MEGF10: variants seen among roughly 807,000 people sequenced by gnomAD.
The protein encoded by MEGF10 is multiple epidermal growth factor-like domains protein 10.
In MEGF10, 86 loss-of-function variants were observed where a neutral mutation model predicts 147.5. The ratio of observed to expected loss-of-function variants is 0.58; its 90% CI spans 0.49 to 0.70. The LOEUF (loss-of-function observed/expected upper bound fraction) is 0.70. MEGF10 is among the 30% of genes least tolerant of loss of function. The probability of loss-of-function intolerance (pLI) is 0.00; values close to 1 mark genes in which losing one functional copy is unlikely to be tolerated. For synonymous variants in MEGF10, 478 were observed against 525.5 expected (o/e 0.91, Z 1.24); for missense variants, 1,329 against 1,487.3 (o/e 0.89, Z 1.75).
At chr5:127,417,403 G>T (rs1192716121) in intron 9 of MEGF10, among the ~76,000 whole-genome samples, 1 of 152,220 alleles carries the variant, frequency 6.6e-6, no homozygotes, top group Non-Finnish European at 1.5e-5. Context: ...GGATGTGGTT[G>T]TAATACATCC....
At chr5:127,453,441 C>T (rs1009760087) in intron 22 of MEGF10, among the ~76,000 whole-genome samples, 3 of 152,118 alleles carry the variant, frequency 2.0e-5, no homozygotes, top group Admixed American at 6.6e-5. Context: ...ATGCACTGAG[C>T]GTTAGAGTAA....
At chr5:127,424,653 G>C in intron 13 of MEGF10, 1 of 1,003,384 alleles carries the variant, frequency 1.0e-6, no homozygotes, top group Non-Finnish European at 1.3e-6. Context: ...ACAGGCTAAG[G>C]CTGGTGCAAT....
intron 4 of MEGF10, among the ~76,000 whole-genome samples, chr5:127,353,094 C>T (rs557443989): frequency 1.3e-5 from 2 of 152,312 alleles, no homozygotes; most frequent in Non-Finnish European, 2.9e-5. Context: ...TACTACCTAC[C>T]TCTCCCATGA....
At chr5:127,290,321 G>C (rs1406575942), upstream of MEGF10, among the ~76,000 whole-genome samples, 19 of 151,972 alleles carry the variant, frequency 1.3e-4, no homozygotes. Context: ...TCCTTTCTGG[G>C]TCCCACCTTT....
At chr5:127,415,675 G>A (rs763076396) in intron 9 of MEGF10, among the ~76,000 whole-genome samples, 11 of 151,976 alleles carry the variant, frequency 7.2e-5, no homozygotes, top group Non-Finnish European at 1.5e-4. Flanking sequence ...AGGCTGAGAC[G>A]GGCAGATCAC....
intron 4 of MEGF10, among the ~76,000 whole-genome samples, chr5:127,365,391 T>G (rs143219787): frequency 6.6e-6 from 1 of 152,168 alleles, no homozygotes; most frequent in East Asian, 1.9e-4. Context: ...CTATTGAGTA[T>G]AGTTAATGGC....
chr5:127,239,081 C>T, the MEGF10 span, among the ~76,000 whole-genome samples: 53 of 152,214 alleles, frequency 3.5e-4, no homozygotes, highest in East Asian at 9.5e-3. Flanking sequence ...CATTAAAGGA[C>T]ATCCTGCAAA....
At chr5:127,308,549 T>A (rs1324459238) in intron 1 of MEGF10, among the ~76,000 whole-genome samples, 1 of 152,192 alleles carries the variant, frequency 6.6e-6, no homozygotes, top group African/African-American at 2.4e-5. Flanking sequence ...AATGATGAGT[T>A]CATGTCTTTT....
chr5:127,452,046 A>G (rs1220758059), intron 22 of MEGF10, among the ~76,000 whole-genome samples: 3 of 152,166 alleles, frequency 2.0e-5, no homozygotes, highest in Non-Finnish European at 4.4e-5. Flanking sequence ...CGTTTTGTGA[A>G]TTAAATTAAA....
intron 10 of MEGF10, 98 bp from the exon 11 acceptor site, chr5:127,419,022 A>T: frequency 7.4e-7 from 1 of 1,346,116 alleles, no homozygotes; most frequent in Non-Finnish European, 1.0e-6. Context: ...TTAGAGAGGA[A>T]GTATAATTAG....
chr5:127,278,812 A>G, the MEGF10 span, among the ~76,000 whole-genome samples: 8 of 152,344 alleles, frequency 5.3e-5, no homozygotes, highest in East Asian at 1.3e-3. Context: ...CTGACAGTGA[A>G]GATGAAAGAT....
At chr5:127,255,396 C>T in the MEGF10 span, among the ~76,000 whole-genome samples, 1 of 152,018 alleles carries the variant, frequency 6.6e-6, no homozygotes, top group African/African-American at 2.4e-5. Context: ...AAATTCAGGC[C>T]CATCTTATAA....
chr5:127,439,773 T>C (rs189831575), intron 17 of MEGF10, among the ~76,000 whole-genome samples: 2 of 152,298 alleles, frequency 1.3e-5, no homozygotes, highest in Admixed American at 1.3e-4. Context: ...CTGTGTGACT[T>C]AGGGTACTTG....
the MEGF10 span, among the ~76,000 whole-genome samples, chr5:127,268,675 G>A: frequency 6.6e-5 from 10 of 152,308 alleles, no homozygotes; most frequent in Admixed American, 6.5e-4. Context: ...GGGCATAGCC[G>A]AACAAAAGGC....
chr5:127,445,851 T>C (rs1205935698), intron 20 of MEGF10, among the ~76,000 whole-genome samples, 158 bp downstream of exon 20: 1 of 152,068 alleles, frequency 6.6e-6, no homozygotes, highest in African/African-American at 2.4e-5. Context: ...TAGAGATGAG[T>C]TTTTTATTTC....
At chr5:127,258,256 A>G in the MEGF10 span, among the ~76,000 whole-genome samples, 1 of 152,218 alleles carries the variant, frequency 6.6e-6, no homozygotes, top group East Asian at 1.9e-4. Context: ...ATCTATGACA[A>G]CACTGAGAAA....
intron 6 of MEGF10, among the ~76,000 whole-genome samples, chr5:127,398,176 C>T (rs549978367): frequency 1.3e-5 from 2 of 151,754 alleles, no homozygotes; most frequent in South Asian, 2.1e-4. Context: ...GGCACATGTA[C>T]ACCTATGTAA....
chr5:127,371,984 A>G (rs1762866554), intron 5 of MEGF10, among the ~76,000 whole-genome samples: 3 of 152,224 alleles, frequency 2.0e-5, no homozygotes, highest in Non-Finnish European at 4.4e-5. Flanking sequence ...AACCCAGAAT[A>G]TAGGTCTTGC....
At chr5:127,300,952 C>T (rs1187279401) in intron 1 of MEGF10, among the ~76,000 whole-genome samples, 2 of 152,198 alleles carry the variant, frequency 1.3e-5, no homozygotes, top group African/African-American at 4.8e-5. Flanking sequence ...TCTTTTCATT[C>T]CCACTTTCCA....
Sources: allele counts gnomAD v4.1 joint callset (sites outside exome capture counted in the v4.1 genomes callset), GRCh38; gene constraint gnomAD v4.1.1; transcripts MANE v1.5; gene names NCBI Gene and HGNC (gene_info 2026-07-23, HGNC 2026-07-21).